Variants in CTNNA3 observed in about 807,000 individuals in gnomAD.
CTNNA3 encodes catenin alpha 3, also known as catenin alpha-3.
Under a neutral mutation model 95.7 loss-of-function variants are expected in CTNNA3, and 76 were observed. The ratio of observed to expected loss-of-function variants is 0.79; its 90% confidence interval spans 0.66 to 0.96. The LOEUF is 0.96. Among genes scored for constraint, CTNNA3 ranks in the 40% least tolerant of loss-of-function variants. The pLI is 0.00. For synonymous variants in CTNNA3, 431 were observed against 374.4 expected, an observed-to-expected ratio of 1.15 and a Z score of -1.74; for missense variants, 1,191 against 1,089.8, an observed-to-expected ratio of 1.09 and a Z score of -1.31.
chr10:66,279,695 T>A (rs2091460529), intron 13 of CTNNA3, among the ~76,000 whole-genome samples: 1 of 152,068 alleles, frequency 6.6e-6, no homozygotes, highest in Admixed American at 6.6e-5. Flanking sequence ...CCTCTCTGCC[T>A]CACTTTGTCT....
intron 9 of CTNNA3, among the ~76,000 whole-genome samples, chr10:66,623,715 TA>T (rs1205245387): frequency 1.7e-4 from 26 of 151,904 alleles, no homozygotes; most frequent in Non-Finnish European, 8.8e-5. Flanking sequence ...TACTAGGTAA[TA>T]GAGTATATTT....
intron 16 of CTNNA3, among the ~76,000 whole-genome samples, chr10:65,978,722 T>C (rs2078258547): frequency 1.3e-5 from 2 of 152,196 alleles, no homozygotes; most frequent in Admixed American, 6.5e-5. Context: ...CTATTTTTTC[T>C]CTTTGTATTA....
chr10:66,600,173 T>C (rs1213799201), intron 10 of CTNNA3, among the ~76,000 whole-genome samples: 1 of 81,988 alleles, frequency 1.2e-5, no homozygotes, highest in African/African-American at 6.8e-5. Context: ...TATAATTTAT[T>C]TAATGATTAA....
chr10:67,239,227 A>G (rs181637680), intron 5 of CTNNA3, among the ~76,000 whole-genome samples: 119 of 152,260 alleles, frequency 7.8e-4, no homozygotes, highest in African/African-American at 2.8e-3. Context: ...CTAGGAGAGG[A>G]TACACACATA....
intron 9 of CTNNA3, among the ~76,000 whole-genome samples, chr10:66,631,133 T>C (rs555164076): frequency 1.7e-4 from 26 of 152,272 alleles, no homozygotes; most frequent in African/African-American, 6.0e-4. Context: ...TCAAGCTGCT[T>C]CCCAAATTTT....
chr10:65,944,430 A>G, intron 17 of CTNNA3, among the ~76,000 whole-genome samples: 1 of 152,264 alleles, frequency 6.6e-6, no homozygotes, highest in South Asian at 2.1e-4. Context: ...AAACAGCTAT[A>G]CAAACAAAAT....
At chr10:67,643,192 G>C (rs1839596637) in intron 2 of CTNNA3, among the ~76,000 whole-genome samples, 1 of 152,184 alleles carries the variant, frequency 6.6e-6, no homozygotes, top group South Asian at 2.1e-4. Flanking sequence ...GGAGTTGGAA[G>C]TCATTATCCT....
At chr10:67,227,172 A>G (rs373062595) in intron 5 of CTNNA3, among the ~76,000 whole-genome samples, 2 of 150,854 alleles carry the variant, frequency 1.3e-5, no homozygotes, top group East Asian at 1.9e-4. Flanking sequence ...GCTCACCACA[A>G]CCTCTGCCTC....
intron 5 of CTNNA3, among the ~76,000 whole-genome samples, chr10:67,378,110 C>G (rs1351048322): frequency 6.6e-6 from 1 of 152,110 alleles, no homozygotes; most frequent in African/African-American, 2.4e-5. Context: ...CTTCTCAGAC[C>G]CTAGTGTCCT....
chr10:66,872,667 T>C (rs1016717884), intron 7 of CTNNA3, among the ~76,000 whole-genome samples: 21 of 131,248 alleles, frequency 1.6e-4, no homozygotes, highest in African/African-American at 7.2e-4. Context: ...AGACCCCGTC[T>C]CAAAAATAAT....
At chr10:67,560,224 G>C (rs928071272) in intron 3 of CTNNA3, among the ~76,000 whole-genome samples, 1 of 152,028 alleles carries the variant, frequency 6.6e-6, no homozygotes, top group African/African-American at 2.4e-5. Flanking sequence ...AAAACGGTAA[G>C]GGCAGCCAGA....
chr10:67,542,497 T>C (rs528898764), intron 3 of CTNNA3, among the ~76,000 whole-genome samples: 1 of 152,190 alleles, frequency 6.6e-6, no homozygotes, highest in Admixed American at 6.5e-5. Context: ...AATGAATATA[T>C]GAATGAACAT....
intron 11 of CTNNA3, among the ~76,000 whole-genome samples, chr10:66,424,725 C>CTG (rs1432723019): frequency 6.6e-6 from 1 of 152,060 alleles, no homozygotes; most frequent in Non-Finnish European, 1.5e-5. Flanking sequence ...TTTCATAACA[C>CTG]TGTGTGTGTG....
intron 7 of CTNNA3, among the ~76,000 whole-genome samples, chr10:66,856,201 G>A (rs1416979952): frequency 6.6e-6 from 1 of 151,992 alleles, no homozygotes; most frequent in Non-Finnish European, 1.5e-5. Context: ...GTGTTAGTTT[G>A]TTTAGAATAA....
At chr10:67,180,661 C>G in intron 6 of CTNNA3, 141 bp from the exon 7 acceptor site, 1 of 659,302 alleles carries the variant, frequency 1.5e-6, no homozygotes, top group Non-Finnish European at 2.7e-6. Flanking sequence ...CTGGTTCACA[C>G]ATAATGCTAT....
chr10:66,944,468 A>C (rs1589464108), intron 7 of CTNNA3, among the ~76,000 whole-genome samples: 1 of 152,300 alleles, frequency 6.6e-6, no homozygotes, highest in South Asian at 2.1e-4. Context: ...GTCATCCATG[A>C]GGGTTGGAAT....
At chr10:67,488,788 G>T (rs933455627) in intron 5 of CTNNA3, among the ~76,000 whole-genome samples, 3 of 151,484 alleles carry the variant, frequency 2.0e-5, no homozygotes, top group African/African-American at 7.3e-5. Context: ...TCCTGTCTCA[G>T]CCTCCTGAGT....
At chr10:67,509,191 CT>C (rs57346362) in intron 5 of CTNNA3, among the ~76,000 whole-genome samples, 692 of 142,862 alleles carry the variant, frequency 4.8e-3, no homozygotes, top group East Asian at 0.015. Context: ...AGACATGTTT[CT>C]TTTTTTTTTT....
At chr10:66,208,512 C>T (rs10822749) in intron 13 of CTNNA3, among the ~76,000 whole-genome samples, 50,054 of 151,774 alleles carry the variant, frequency 0.33, 9,718 homozygotes, top group South Asian at 0.52. Flanking sequence ...ACATATATCG[C>T]CATGGGTGCT....
Sources: allele counts gnomAD v4.1 joint callset (sites outside exome capture counted in the v4.1 genomes callset), GRCh38; gene constraint gnomAD v4.1.1; transcripts MANE v1.5; gene names NCBI Gene and HGNC (gene_info 2026-07-23, HGNC 2026-07-21).